Variants in GRM7 observed in about 807,000 individuals in gnomAD.
GRM7 encodes glutamate metabotropic receptor 7.
In GRM7, 35 loss-of-function variants were observed where a neutral mutation model predicts 84.5. That is an observed-to-expected ratio of 0.41 (90% confidence interval 0.32 to 0.55). The LOEUF is 0.55. GRM7 is among the 20% of genes least tolerant of loss of function. GRM7 has a pLI of 0.19. For synonymous variants in GRM7, 487 were observed against 455.1 expected (o/e 1.07, Z -0.89); for missense variants, 1,003 against 1,194.6 (o/e 0.84, Z 2.36).
intron 7 of GRM7, among the ~76,000 whole-genome samples, chr3:7,469,629 C>T (rs779712): frequency 0.46 from 69,928 of 151,658 alleles, 17,004 homozygotes; most frequent in African/African-American, 0.63. Context: ...CAGGAAAGGA[C>T]TTAGGATTGG....
intron 4 of GRM7, among the ~76,000 whole-genome samples, chr3:7,357,661 C>G (rs773373125): frequency 6.6e-6 from 1 of 152,146 alleles, no homozygotes; most frequent in African/African-American, 2.4e-5. Context: ...GAAGGAATTA[C>G]CCTGTTTAGC....
intron 1 of GRM7, among the ~76,000 whole-genome samples, chr3:6,967,158 G>A (rs2125089001): frequency 6.6e-6 from 1 of 152,216 alleles, no homozygotes; most frequent in East Asian, 1.9e-4. Flanking sequence ...ACTATAGTAA[G>A]GCCTTAATAA....
chr3:7,445,595 G>A (rs1697471470), intron 5 of GRM7, among the ~76,000 whole-genome samples: 1 of 152,038 alleles, frequency 6.6e-6, no homozygotes, highest in African/African-American at 2.4e-5. Flanking sequence ...CAGCAATACT[G>A]CAGACATTTT....
intron 7 of GRM7, among the ~76,000 whole-genome samples, chr3:7,509,044 C>A (rs537379508): frequency 6.6e-6 from 1 of 152,088 alleles, no homozygotes; most frequent in Non-Finnish European, 1.5e-5. Context: ...AATATTATGG[C>A]AAAATCTTGG....
chr3:7,403,403 A>G (rs1325365854), intron 4 of GRM7, among the ~76,000 whole-genome samples: 1 of 151,422 alleles, frequency 6.6e-6, no homozygotes, highest in Non-Finnish European at 1.5e-5. Context: ...GTGGAAACAT[A>G]AATTTCACCC....
intron 1 of GRM7, among the ~76,000 whole-genome samples, chr3:6,955,335 A>G (rs1692989913): frequency 2.0e-5 from 3 of 152,198 alleles, no homozygotes. Context: ...CAGGAGCTCC[A>G]GACCAGCCTG....
At chr3:7,229,689 G>A (rs1381988392) in intron 2 of GRM7, among the ~76,000 whole-genome samples, 1 of 117,654 alleles carries the variant, frequency 8.5e-6, no homozygotes, top group Non-Finnish European at 1.7e-5. Context: ...CAAATGAGCT[G>A]TTTTCCTTCC....
chr3:7,568,873 C>T (rs1323372803), intron 7 of GRM7, among the ~76,000 whole-genome samples: 1 of 151,782 alleles, frequency 6.6e-6, no homozygotes, highest in Non-Finnish European at 1.5e-5. Context: ...TGCCTGAGCG[C>T]CCCCCCTCCA....
At chr3:7,449,719 A>C (rs1052035419) in intron 5 of GRM7, among the ~76,000 whole-genome samples, 8 of 152,140 alleles carry the variant, frequency 5.3e-5, no homozygotes, top group Admixed American at 2.0e-4. Flanking sequence ...CAGCAAGAGA[A>C]GGTAAACTGT....
chr3:7,223,649 T>G (rs1696884894), intron 2 of GRM7, among the ~76,000 whole-genome samples: 1 of 152,212 alleles, frequency 6.6e-6, no homozygotes, highest in South Asian at 2.1e-4. Flanking sequence ...AGTCTACCCT[T>G]GGCCTGATCT....
At chr3:7,585,516 G>A (rs1012532041) in intron 8 of GRM7, among the ~76,000 whole-genome samples, 16 of 152,134 alleles carry the variant, frequency 1.1e-4, no homozygotes, top group Non-Finnish European at 7.4e-5. Flanking sequence ...AAACTAATAA[G>A]GGAATAGCTT....
At chr3:7,271,461 A>G (rs1207580975) in intron 2 of GRM7, among the ~76,000 whole-genome samples, 3 of 149,428 alleles carry the variant, frequency 2.0e-5, no homozygotes, top group Admixed American at 6.7e-5. Context: ...CGGGAGGCTG[A>G]GGCAGGAGAA....
chr3:6,862,783 T>G lies in GRM7; in HGVS notation c.519+876T>G, dbSNP rs1694804299. On this transcript the variant is annotated intron_variant, in intron 1 of 9. Coordinates refer to ENST00000357716, the MANE Select transcript of GRM7 (RefSeq NM_000844.4). The surrounding 1 kb of genome is among the most constrained non-coding windows in gnomAD (Gnocchi z 5.2). ...CAGACCCCAAGCCAAATCCTCGGCT[T>G]GGAGGACGATTCCCGGAGCGAGGCA... 1 of 320,350 alleles carries G rather than the reference T, an allele frequency of 3.1e-6. No homozygotes were observed. Among genetic ancestry groups the G allele is most frequent in the South Asian group, 2.3e-5 (1 of 44,194 alleles). 19.8% of individuals were successfully genotyped at this position (320,350 alleles called of 1,614,324 possible).
chr3:7,290,182 A>G (rs1004240745), intron 2 of GRM7, among the ~76,000 whole-genome samples: 5 of 152,208 alleles, frequency 3.3e-5, no homozygotes, highest in African/African-American at 7.2e-5. Context: ...AGTAACTCAC[A>G]AAGTATCAAC....
intron 1 of GRM7, among the ~76,000 whole-genome samples, chr3:7,030,064 A>G (rs1003804902): frequency 3.3e-5 from 5 of 152,224 alleles, no homozygotes; most frequent in African/African-American, 1.2e-4. Context: ...AGGTAAATGA[A>G]TAAACATATG....
intron 9 of GRM7, among the ~76,000 whole-genome samples, chr3:7,734,037 T>C (rs994380794): frequency 6.6e-6 from 1 of 152,162 alleles, no homozygotes; most frequent in Non-Finnish European, 1.5e-5. Context: ...ACAATAAAGA[T>C]TGTATCTGAC....
At chr3:7,468,159 C>G (rs1393665944) in intron 7 of GRM7, among the ~76,000 whole-genome samples, 1 of 152,144 alleles carries the variant, frequency 6.6e-6, no homozygotes, top group South Asian at 2.1e-4. Flanking sequence ...TTATTATACT[C>G]ATAATTTACA....
chr3:7,283,734 A>G (rs1699332398), intron 2 of GRM7, among the ~76,000 whole-genome samples: 1 of 152,130 alleles, frequency 6.6e-6, no homozygotes. Context: ...GAGCCAAATC[A>G]TTGAAAAATT....
chr3:7,361,389 T>C lies in GRM7; in HGVS notation c.1034-53634T>C, dbSNP rs75705155. Among the ~76,000 whole-genome samples, 930 of 152,274 alleles carry C rather than the reference T, an allele frequency of 6.1e-3. 6 individuals carry two copies. The highest frequency in any genetic ancestry group is 0.021 in the African/African-American group (877 of 41,580). ...GTCACTCAGGGACATCTTTGCTTTATGTCCTAACCATATTTTATTGCAAAC... is the reference window on the plus strand; with the variant it reads ...GTCACTCAGGGACATCTTTGCTTTACGTCCTAACCATATTTTATTGCAAAC... On this transcript the variant is annotated intron_variant, in intron 4 of 9. Transcript: ENST00000357716.
Sources: gnomAD v4.1 joint callset for allele counts (sites outside exome capture counted in the v4.1 genomes callset) on GRCh38, gnomAD v4.1.1 for gene constraint, Gnocchi (gnomAD v3.1) non-coding constraint, MANE v1.5 for transcripts, NCBI Gene and HGNC (gene_info 2026-07-23, HGNC 2026-07-21) for gene names.